The following TTLL11 variants were observed in gnomAD, a reference collection of about 807,000 sequenced individuals.
TTLL11 encodes the protein tubulin polyglutamylase TTLL11.
A neutral mutation model predicts 51.7 loss-of-function variants in TTLL11; 42 were observed. The observed-to-expected ratio is 0.81, with a 90% CI of 0.64 to 1.05. The LOEUF (loss-of-function observed/expected upper bound fraction) is 1.05, where lower values mean the gene tolerates loss of function less well. TTLL11 is among the 50% of genes least tolerant of loss of function. The probability of loss-of-function intolerance (pLI) is 0.00; values close to 1 mark genes in which losing one functional copy is unlikely to be tolerated. For synonymous variants in TTLL11, 381 were observed against 383.5 expected (o/e 0.99, Z 0.08); for missense variants, 799 against 940.4 (o/e 0.85, Z 1.97).
intron 3 of TTLL11, among the ~76,000 whole-genome samples, chr9:121,997,657 A>G (rs1226779532): frequency 6.6e-6 from 1 of 152,206 alleles, no homozygotes; most frequent in Admixed American, 6.5e-5. Context: ...TGGCCAAGCT[A>G]CTTACTCCCT....
chr9:121,902,213 T>A (rs1457112589), intron 6 of TTLL11, among the ~76,000 whole-genome samples: 1 of 152,232 alleles, frequency 6.6e-6, no homozygotes, highest in African/African-American at 2.4e-5. Flanking sequence ...TCCTTCCTTA[T>A]CTATATAAAA....
Position 121,864,279 on chromosome 9 carries a change from T to C in TTLL11, c.1734-3836A>G, listed in dbSNP as rs142417403. ...TCAGAGACTATACGTGATCTTAGAGTCTGGGGTAAAAATGTGGCTCTTAAT... is the reference window on the plus strand; with the variant it reads ...TCAGAGACTATACGTGATCTTAGAGCCTGGGGTAAAAATGTGGCTCTTAAT... On this transcript the variant is annotated intron_variant, in intron 7 of 8. Transcript: ENST00000321582. 1.6e-4 allele frequency among the ~76,000 whole-genome samples: 24 copies of C among 152,170 alleles called. No individual in the cohort carries two copies. The East Asian group carries it at 4.4e-3, about 28-fold the overall frequency.
chr9:121,847,765 A>G (rs1283907177), intron 8 of TTLL11, among the ~76,000 whole-genome samples: 1 of 152,254 alleles, frequency 6.6e-6, no homozygotes, highest in Non-Finnish European at 1.5e-5. Flanking sequence ...CTCTTTCAGA[A>G]TACAGAAGCA....
At chr9:122,081,325 G>C (rs575107382) in intron 1 of TTLL11, among the ~76,000 whole-genome samples, 12 of 152,344 alleles carry the variant, frequency 7.9e-5, no homozygotes, top group Admixed American at 2.6e-4. Context: ...AAGAGTGGAA[G>C]AGTTGAAAGA....
intron 6 of TTLL11, among the ~76,000 whole-genome samples, chr9:121,921,406 G>C (rs1840538486): frequency 6.6e-6 from 1 of 152,144 alleles, no homozygotes; most frequent in Non-Finnish European, 1.5e-5. Context: ...TCAAGGAAGA[G>C]GGGACAGCAG....
At chr9:121,949,857 G>A (rs7028210) in intron 6 of TTLL11, among the ~76,000 whole-genome samples, 56,120 of 151,828 alleles carry the variant, frequency 0.37, 11,045 homozygotes, top group East Asian at 0.57. Flanking sequence ...CCTGTCCTCA[G>A]AGAAACTTTA....
intron 1 of TTLL11, among the ~76,000 whole-genome samples, chr9:122,081,483 T>C (rs139619772): frequency 1.8e-4 from 27 of 152,354 alleles, no homozygotes; most frequent in Non-Finnish European, 3.2e-4. Flanking sequence ...CAGGGACATC[T>C]GTACAACAGA....
intron 4 of TTLL11, among the ~76,000 whole-genome samples, chr9:121,976,555 G>A (rs1238350944): frequency 6.6e-6 from 1 of 152,116 alleles, no homozygotes; most frequent in Non-Finnish European, 1.5e-5. Context: ...AAAAGATAGG[G>A]TTGTAGACTC....
At chr9:121,839,864 G>A (rs1837297787) in intron 8 of TTLL11, among the ~76,000 whole-genome samples, 1 of 152,190 alleles carries the variant, frequency 6.6e-6, no homozygotes, top group Admixed American at 6.5e-5. Flanking sequence ...TCCTCAAGGT[G>A]AGACCCCTCT....
chr9:121,847,003 G>A (rs933500070), intron 8 of TTLL11, among the ~76,000 whole-genome samples: 1 of 152,174 alleles, frequency 6.6e-6, no homozygotes, highest in Admixed American at 6.5e-5. Flanking sequence ...GAGGTCAAGA[G>A]ATCAAGGCCA....
chr9:121,894,238 T>C (rs1839368922), intron 6 of TTLL11, among the ~76,000 whole-genome samples: 1 of 152,172 alleles, frequency 6.6e-6, no homozygotes, highest in African/African-American at 2.4e-5. Context: ...TAGGAAGTGC[T>C]GAGATGGAGA....
intron 6 of TTLL11, among the ~76,000 whole-genome samples, chr9:121,943,228 T>C (rs986565249): frequency 6.6e-6 from 1 of 152,202 alleles, no homozygotes; most frequent in Non-Finnish European, 1.5e-5. Flanking sequence ...CAAAGGTTTC[T>C]GGACATGAGC....
chr9:121,845,759 A>T (rs1466994435), intron 8 of TTLL11, among the ~76,000 whole-genome samples: 1 of 152,202 alleles, frequency 6.6e-6, no homozygotes, highest in African/African-American at 2.4e-5. Context: ...GACTATTTTT[A>T]AAAAGGAGTA....
intron 8 of TTLL11, among the ~76,000 whole-genome samples, chr9:121,854,372 T>C (rs1211898492): frequency 2.0e-5 from 3 of 152,182 alleles, no homozygotes; most frequent in Non-Finnish European, 2.9e-5. Context: ...AAGAGGTGTG[T>C]GGTGTTTGAG....
intron 8 of TTLL11, among the ~76,000 whole-genome samples, chr9:121,852,351 T>G (rs928673546): frequency 6.6e-6 from 1 of 151,996 alleles, no homozygotes; most frequent in African/African-American, 2.4e-5. Flanking sequence ...CTCCCAGAGG[T>G]GCAGTGCCCC....
At chr9:121,936,194 TCAAA>T (rs1194434018) in intron 6 of TTLL11, among the ~76,000 whole-genome samples, 1 of 151,974 alleles carries the variant, frequency 6.6e-6, no homozygotes, top group Non-Finnish European at 1.5e-5. Context: ...GCTGAAATAA[TCAAA>T]CAAATTCAAT....
rs569357345 is a variant in TTLL11, at chr9:121,882,056, C to T, written c.1482-11308G>A. ...AGCATTGTTGTGAGAATTAAATGGG[C>T]TAATCCATTCAGAGCCATACCTGGA... On this transcript the variant is annotated intron_variant, in intron 6 of 8. Transcript: ENST00000321582. Among the ~76,000 whole-genome samples, 3 of 152,300 alleles carry T rather than the reference C, an allele frequency of 2.0e-5. No individual in the cohort carries two copies. In the South Asian group the frequency reaches 6.2e-4, roughly 32 times the overall value.
chr9:122,009,545 T>C (rs1843741493), intron 3 of TTLL11, among the ~76,000 whole-genome samples: 1 of 151,778 alleles, frequency 6.6e-6, no homozygotes, highest in Admixed American at 6.6e-5. Context: ...TATATGTATG[T>C]ACTCTATATA....
chr9:121,963,267 C>T (rs1842296182), intron 6 of TTLL11, among the ~76,000 whole-genome samples: 1 of 152,196 alleles, frequency 6.6e-6, no homozygotes, highest in Non-Finnish European at 1.5e-5. Context: ...TATTATTCCC[C>T]TTTTTTTCTA....
Sources: allele counts gnomAD v4.1 joint callset (sites outside exome capture counted in the v4.1 genomes callset), GRCh38; gene constraint gnomAD v4.1.1; transcripts MANE v1.5; gene names NCBI Gene and HGNC (gene_info 2026-07-23, HGNC 2026-07-21).